PRDM2: variants seen among roughly 807,000 people sequenced by gnomAD.
PRDM2 encodes PR domain zinc finger protein 2.
PRDM2 carries 30 observed loss-of-function variants against 130.0 expected under a neutral mutation model. That is an observed-to-expected ratio of 0.23 (90% CI 0.17 to 0.31). The LOEUF is 0.31. PRDM2 is among the 10% of genes least tolerant of loss of function. PRDM2 has a pLI of 1.00. For synonymous variants in PRDM2, 871 were observed against 782.4 expected, an observed-to-expected ratio of 1.11 and a Z score of -1.89; for missense variants, 2,011 against 2,108.4, an observed-to-expected ratio of 0.95 and a Z score of 0.90.
At chr1:13,700,862 A>G (rs1396156022) in intron 1 of PRDM2, among the ~76,000 whole-genome samples, 1 of 151,912 alleles carries the variant, frequency 6.6e-6, no homozygotes, top group Non-Finnish European at 1.5e-5. Flanking sequence ...CCACGGGTGT[A>G]TGTGTGTGTG....
At position 13,731,109 on chromosome 1, in the gene PRDM2, C is replaced by G; in HGVS notation, c.119C>G (p.Thr40Ser). ...CTTTTCCCTTCTGCTGTTGACAAGACCCGGATTGGTGAGTGCTCCTCCTGT... is the reference window on the plus strand; with the variant it reads ...CTTTTCCCTTCTGCTGTTGACAAGAGCCGGATTGGTGAGTGCTCCTCCTGT... The part of the protein sequence containing the change: ...VRLFPSAVDK[T>S]RIGVWATKPI... Residue 40 changes from threonine to serine, a missense_variant, in exon 3 of 10, where the codon ACC (threonine) becomes AGC (serine). Thr to Ser is a moderately conservative substitution (Grantham distance 58, BLOSUM62 1). Transcript: ENST00000311066. The G allele has an allele frequency of 6.2e-7, 1 of 1,612,530 alleles. No homozygotes were observed. The highest frequency in any genetic ancestry group is 8.5e-7 in the Non-Finnish European group (1 of 1,179,448).
rs142176469 is a variant in PRDM2, at chr1:13,779,110, A to G, written c.1315A>G (p.Asn439Asp). The G allele has an allele frequency of 4.0e-4, 643 of 1,614,082 alleles. 3 individuals carry two copies. The highest frequency in any genetic ancestry group is 1.2e-4 in the Non-Finnish European group (147 of 1,180,044). The change falls in exon 8 of 10, where the codon AAC (asparagine) becomes GAC (aspartate). Residue 439 changes from asparagine (N) to aspartate (D), a missense_variant. Asn to Asp is a conservative substitution (Grantham distance 23). Coordinates refer to ENST00000311066, the MANE Select transcript of PRDM2 (RefSeq NM_001393986.1). The surrounding 1 kb of genome is among the most constrained non-coding windows in gnomAD (Gnocchi z 4.9). ...DLADGKASGE[N>D]VASKDDSSPP... ...GGCTGATGGCAAAGCATCTGGAGAAAACGTTGCTTCAAAAGATGATTCGAG... is the reference window on the plus strand; with the variant it reads ...GGCTGATGGCAAAGCATCTGGAGAAGACGTTGCTTCAAAAGATGATTCGAG...
At chr1:13,821,026 A>G (rs1645341717) in intron 9 of PRDM2, among the ~76,000 whole-genome samples, 1 of 49,200 alleles carries the variant, frequency 2.0e-5, no homozygotes, top group Admixed American at 2.1e-4. Context: ...CCCCGCAAAC[A>G]GCCCTTTCCA....
At chr1:13,786,841 T>C in intron 8 of PRDM2, 1 of 1,137,816 alleles carries the variant, frequency 8.8e-7, no homozygotes, top group Non-Finnish European at 1.1e-6. Flanking sequence ...GCCCTTGTTT[T>C]TGGCACGTAG....
In PRDM2 at chr1:13,782,828, T is replaced by A; in HGVS notation, c.5033T>A (p.Phe1678Tyr). The A allele has an allele frequency of 6.2e-7, 1 of 1,608,644 alleles. No individual in the cohort carries two copies. The highest frequency in any genetic ancestry group is 1.1e-5 in the South Asian group (1 of 90,674). Residue 1678 changes from phenylalanine (F) to tyrosine (Y), a missense_variant, in exon 8 of 10, where the codon TTC becomes TAC. Phe to Tyr is a conservative substitution (Grantham distance 22). Transcript: ENST00000311066. The part of the protein sequence containing the change: ...DGSAKQELKD[F>Y]SYSLRLASRC... Reference sequence around the variant, plus strand: ...AGCGCCAAGCAGGAGCTGAAGGACTTCAGGTAAGCTCAGGAGCTGGTGGGA... The same window carrying A: ...AGCGCCAAGCAGGAGCTGAAGGACTACAGGTAAGCTCAGGAGCTGGTGGGA...
chr1:13,786,595 A>T lies in PRDM2; in HGVS notation c.5036+3764A>T, dbSNP rs1367224861. ...ATTGCATGCTCAACTTAGGATAAGCACTACGGCAAAGGATACGAAATCTAC... is the reference window on the plus strand; with the variant it reads ...ATTGCATGCTCAACTTAGGATAAGCTCTACGGCAAAGGATACGAAATCTAC... On this transcript the variant is annotated intron_variant, in intron 8 of 9. Coordinates refer to ENST00000311066, the MANE Select transcript of PRDM2 (RefSeq NM_001393986.1). 1.9e-6 allele frequency: 3 copies of T among 1,597,944 alleles called. No individual in the cohort carries two copies. The Admixed American group carries it at 5.1e-5, about 27-fold the overall frequency.
At chr1:13,763,699 T>C (rs1644157578) in intron 6 of PRDM2, among the ~76,000 whole-genome samples, 1 of 152,274 alleles carries the variant, frequency 6.6e-6, no homozygotes, top group Non-Finnish European at 1.5e-5. Context: ...TCATTGTTTT[T>C]ACTTTTGTTG....
intron 5 of PRDM2, 29 bp from the exon 6 acceptor site, chr1:13,749,332 C>T (rs1241150222): frequency 2.7e-6 from 4 of 1,457,394 alleles, no homozygotes; most frequent in Non-Finnish European, 2.8e-6. Context: ...CTCTGATTGG[C>T]CCGGCGCTTG....
In PRDM2 at chr1:13,780,729, G is replaced by A. The variant is rs1403926467; in HGVS notation, c.2934G>A (p.Pro978=). The A allele has an allele frequency of 2.3e-5, 35 of 1,535,966 alleles. No individual in the cohort carries two copies. The highest frequency in any genetic ancestry group is 7.8e-5 in the Admixed American group (4 of 51,468). The change falls in exon 8 of 10, where the codon CCG becomes CCA. Residue 978 remains proline (P), a synonymous_variant. Transcript: ENST00000311066. ...CCTCTTCCCCTCCACCCTGTCCCCCGGTATTAACTGTTGCCACTCCGCCCC... is the reference window on the plus strand; with the variant it reads ...CCTCTTCCCCTCCACCCTGTCCCCCAGTATTAACTGTTGCCACTCCGCCCC... ...TDPSSPPPCP[P]VLTVATPPPP...
chr1:13,805,522 T>TGGCTCCCAC (rs1645073643), intron 8 of PRDM2, among the ~76,000 whole-genome samples: 1 of 152,142 alleles, frequency 6.6e-6, no homozygotes, highest in Non-Finnish European at 1.5e-5. Context: ...TGAGGGCCGA[T>TGGCTCCCAC]GGCTCCCACA....
rs189024676 is a variant in PRDM2 at position 13,715,543 on chromosome 1, T to A, written c.-63T>A. ...CAATTGTCTGTTTTTCTTTTTAGGGTTCATGTAATCAAAGAAGTTTCTTTG... is the reference window on the plus strand; with the variant it reads ...CAATTGTCTGTTTTTCTTTTTAGGGATCATGTAATCAAAGAAGTTTCTTTG... On this transcript the variant is annotated splice_region_variant and 5_prime_UTR_variant, in exon 2 of 10. Coordinates refer to ENST00000311066, the MANE Select transcript of PRDM2 (RefSeq NM_001393986.1). 3.0e-3 allele frequency: 4,257 copies of A among 1,440,952 alleles called. 123 individuals carry two copies. The South Asian group carries it at 0.046, about 16-fold the overall frequency. 89.3% of individuals were successfully genotyped at this position (1,440,952 alleles called of 1,614,324 possible).
intron 7 of PRDM2, among the ~76,000 whole-genome samples, chr1:13,776,943 T>C (rs1290070239): frequency 6.6e-6 from 1 of 152,202 alleles, no homozygotes; most frequent in East Asian, 1.9e-4. Flanking sequence ...CTTTGAAATT[T>C]CTAGGCCAGC....
chr1:13,733,188 A>G (rs1056627425), intron 4 of PRDM2, among the ~76,000 whole-genome samples: 1 of 152,148 alleles, frequency 6.6e-6, no homozygotes, highest in African/African-American at 2.4e-5. Context: ...TTGTCACTTC[A>G]CAGGCCGCCA....
chr1:13,757,589 T>C (rs1455627576), intron 6 of PRDM2, among the ~76,000 whole-genome samples: 1 of 152,238 alleles, frequency 6.6e-6, no homozygotes, highest in Non-Finnish European at 1.5e-5. Context: ...CTGAATGTTA[T>C]ATAGACAATG....
intron 1 of PRDM2, among the ~76,000 whole-genome samples, chr1:13,706,038 C>G (rs1642201973): frequency 6.6e-6 from 1 of 151,590 alleles, no homozygotes; most frequent in Non-Finnish European, 1.5e-5. Context: ...AAATATTGTC[C>G]CTACTCCTGA....
chr1:13,716,339 T>C (rs1358141306), intron 2 of PRDM2, among the ~76,000 whole-genome samples: 1 of 150,750 alleles, frequency 6.6e-6, no homozygotes. Context: ...TTGGGAGATA[T>C]ACCTAATGCT....
At chr1:13,770,632 GGT>G (rs957838039) in intron 6 of PRDM2, among the ~76,000 whole-genome samples, 2 of 152,010 alleles carry the variant, frequency 1.3e-5, no homozygotes, top group African/African-American at 4.8e-5. Context: ...AAGGAGTGAA[GGT>G]TTAGATTACA....
intron 1 of PRDM2, among the ~76,000 whole-genome samples, chr1:13,702,011 ATTC>A (rs1642086192): frequency 1.3e-5 from 2 of 152,204 alleles, no homozygotes; most frequent in Admixed American, 1.3e-4. Flanking sequence ...ATAACAAAAG[ATTC>A]TCACTGTAGA....
chr1:13,794,619 A>G (rs996408278), intron 8 of PRDM2, among the ~76,000 whole-genome samples: 7 of 152,344 alleles, frequency 4.6e-5, no homozygotes, highest in African/African-American at 1.7e-4. Context: ...ACCACAAAGA[A>G]TTGCCACGAA....
Sources: allele counts gnomAD v4.1 joint callset (sites outside exome capture counted in the v4.1 genomes callset), GRCh38; gene constraint gnomAD v4.1.1; non-coding constraint Gnocchi (gnomAD v3.1); transcripts MANE v1.5; gene names NCBI Gene and HGNC (gene_info 2026-07-23, HGNC 2026-07-21).